The following DIP2B variants were observed in gnomAD, a reference collection of about 807,000 sequenced individuals.
DIP2B encodes the protein disco-interacting protein 2 homolog B.
Under a neutral mutation model 198.0 loss-of-function variants are expected in DIP2B, and 76 were observed. The ratio of observed to expected loss-of-function variants is 0.38; its 90% CI spans 0.32 to 0.46. The LOEUF (loss-of-function observed/expected upper bound fraction) is 0.46, where lower values mean the gene tolerates loss of function less well. DIP2B is among the 20% of genes least tolerant of loss of function. The pLI is 0.99. For missense variants in DIP2B, 1,559 were observed against 1,978.4 expected (o/e 0.79, Z 4.02); for synonymous variants, 701 against 739.1 (o/e 0.95, Z 0.84).
At chr12:50,640,965 G>T in intron 3 of DIP2B, 113 bp downstream of exon 3, 1 of 1,279,324 alleles carries the variant, frequency 7.8e-7, no homozygotes, top group Non-Finnish European at 1.1e-6. Flanking sequence ...GGCACCAACA[G>T]TTTTATATTA....
rs372647130 is a variant in DIP2B, at chr12:50,629,223, G to A, written c.172+3176G>A. Among the ~76,000 whole-genome samples the A allele has an allele frequency of 5.9e-5, 9 of 152,034 alleles. No homozygotes were observed. The East Asian group carries it at 1.2e-3, about 20-fold the overall frequency. On this transcript the variant is annotated intron_variant, in intron 2 of 37. Coordinates refer to ENST00000301180, the MANE Select transcript of DIP2B (RefSeq NM_173602.3). The stretch of plus-strand genomic sequence containing the variant: ...TTACCCTTCACTTCCTGCTGCTCCT[G>A]GTCTTTCTTACAGGCTCATTTTTGT...
rs1209141757 is a variant in DIP2B, at chr12:50,748,511, G to C, written c.*3672G>C. ...TTACCCGTGTCAAATTCAAACTACAGTACTGTGTAATTATGTATAAAGTTT... is the reference window on the plus strand; with the variant it reads ...TTACCCGTGTCAAATTCAAACTACACTACTGTGTAATTATGTATAAAGTTT... On this transcript the variant is annotated 3_prime_UTR_variant, in exon 38 of 38. Coordinates refer to ENST00000301180, the MANE Select transcript of DIP2B (RefSeq NM_173602.3). 1 of 152,590 alleles carries C rather than the reference G, an allele frequency of 6.6e-6. No individual in the cohort carries two copies. The highest frequency in any genetic ancestry group is 1.9e-4 in the East Asian group (1 of 5,206). 9.5% of individuals were successfully genotyped at this position (152,590 alleles called of 1,614,324 possible).
chr12:50,553,283 A>T (rs1259859613), intron 1 of DIP2B, among the ~76,000 whole-genome samples: 3 of 152,164 alleles, frequency 2.0e-5, no homozygotes, highest in Non-Finnish European at 2.9e-5. Context: ...CTGTTATTAA[A>T]ATTGTCATGT....
At chr12:50,714,302 A>G in intron 22 of DIP2B, 93 bp from the exon 23 acceptor site, 2 of 1,457,212 alleles carry the variant, frequency 1.4e-6, no homozygotes, top group Non-Finnish European at 1.9e-6. Flanking sequence ...GTAGAGTAAG[A>G]AAAATTGTAG....
intron 22 of DIP2B, among the ~76,000 whole-genome samples, chr12:50,709,086 A>G (rs10783383): frequency 0.29 from 43,914 of 152,130 alleles, 6,621 homozygotes; most frequent in East Asian, 0.44. Context: ...AGTGATGACA[A>G]GAGCCTAGTC....
chr12:50,728,877 A>T (rs1939985945), intron 30 of DIP2B, among the ~76,000 whole-genome samples, 199 bp downstream of exon 30: 1 of 152,060 alleles, frequency 6.6e-6, no homozygotes, highest in Admixed American at 6.5e-5. Flanking sequence ...TTTTCTGTTA[A>T]TTTTATTCCT....
intron 2 of DIP2B, among the ~76,000 whole-genome samples, chr12:50,639,352 G>A (rs1938214407): frequency 6.6e-6 from 1 of 152,174 alleles, no homozygotes; most frequent in Non-Finnish European, 1.5e-5. Flanking sequence ...GACAGTCCAA[G>A]ATGGCTCATT....
intron 1 of DIP2B, among the ~76,000 whole-genome samples, chr12:50,507,816 G>A (rs1196559112): frequency 6.6e-6 from 1 of 152,160 alleles, no homozygotes; most frequent in Non-Finnish European, 1.5e-5. Context: ...GATTACAGGC[G>A]TGAGCCACCG....
At chr12:50,628,481 G>C (rs1937979642) in intron 2 of DIP2B, among the ~76,000 whole-genome samples, 2 of 152,314 alleles carry the variant, frequency 1.3e-5, no homozygotes, top group East Asian at 3.9e-4. Context: ...TCTAAATGCT[G>C]TAATAAAGAC....
chr12:50,506,088 A>G (rs896430932), intron 1 of DIP2B, among the ~76,000 whole-genome samples: 9 of 152,104 alleles, frequency 5.9e-5, no homozygotes, highest in Non-Finnish European at 1.2e-4. Flanking sequence ...CTCCTTGTAC[A>G]ACAATGAGAG....
intron 4 of DIP2B, among the ~76,000 whole-genome samples, chr12:50,669,152 C>G (rs1346073941): frequency 2.0e-5 from 3 of 152,150 alleles, no homozygotes. Flanking sequence ...CCTTTGATTA[C>G]TCCCGTTTCT....
chr12:50,743,078 T>C (rs1243249916), intron 37 of DIP2B, among the ~76,000 whole-genome samples: 1 of 152,096 alleles, frequency 6.6e-6, no homozygotes, highest in African/African-American at 2.4e-5. Context: ...CATTTTTAAT[T>C]ACTGGAATTT....
intron 32 of DIP2B, 22 bp from the exon 33 acceptor site, chr12:50,734,113 G>T: frequency 6.2e-7 from 1 of 1,612,870 alleles, no homozygotes; most frequent in Non-Finnish European, 8.5e-7. Context: ...TCTAAACAAC[G>T]CATTGATTTG....
intron 3 of DIP2B, chr12:50,655,170 G>A (rs1938533636): frequency 4.3e-6 from 1 of 232,440 alleles, no homozygotes; most frequent in Admixed American, 4.5e-5. Flanking sequence ...GTACAGTAGT[G>A]TACTATACAG....
At chr12:50,578,788 A>G (rs1425947318) in intron 1 of DIP2B, among the ~76,000 whole-genome samples, 5 of 152,146 alleles carry the variant, frequency 3.3e-5, no homozygotes, top group Admixed American at 3.3e-4. Context: ...GATTACAAGC[A>G]TAAGCCACCG....
chr12:50,555,581 C>T (rs544842253), intron 1 of DIP2B, among the ~76,000 whole-genome samples: 8 of 152,224 alleles, frequency 5.3e-5, no homozygotes, highest in East Asian at 3.9e-4. Flanking sequence ...GGAAGTTGCC[C>T]GAGCTGCCCT....
chr12:50,661,871 G>A (rs1219055861), intron 4 of DIP2B, among the ~76,000 whole-genome samples: 2 of 152,192 alleles, frequency 1.3e-5, no homozygotes, highest in Admixed American at 1.3e-4. Flanking sequence ...TAAATAGGCT[G>A]CCCTTATGGC....
At chr12:50,563,199 T>C (rs1593611771) in intron 1 of DIP2B, among the ~76,000 whole-genome samples, 1 of 152,196 alleles carries the variant, frequency 6.6e-6, no homozygotes, top group Non-Finnish European at 1.5e-5. Flanking sequence ...TTTCTTTTCT[T>C]CTTCTGAGAT....
At chr12:50,566,971 CAAAAAAA>C (rs34854416) in intron 1 of DIP2B, among the ~76,000 whole-genome samples, 5 of 78,472 alleles carry the variant, frequency 6.4e-5, no homozygotes, top group Non-Finnish European at 1.2e-4. Context: ...GACTCCGTCT[CAAAAAAA>C]AAAAAAAAAA....
Sources: gnomAD v4.1 joint callset for allele counts (sites outside exome capture counted in the v4.1 genomes callset) on GRCh38, gnomAD v4.1.1 for gene constraint, MANE v1.5 for transcripts, NCBI Gene and HGNC (gene_info 2026-07-23, HGNC 2026-07-21) for gene names.